TBC1D5: variants seen among roughly 807,000 people sequenced by gnomAD.
TBC1D5 encodes TBC1 domain family member 5.
TBC1D5 carries 75 observed loss-of-function variants against 100.3 expected under a neutral mutation model. The observed-to-expected ratio is 0.75, with a 90% CI of 0.62 to 0.91. The LOEUF is 0.91. Ranked by LOEUF, TBC1D5 falls within the 40% of genes least tolerant of loss-of-function variation. The pLI, the probability that TBC1D5 is intolerant of heterozygous loss-of-function variation, is 0.00. For missense variants in TBC1D5, 910 were observed against 942.4 expected, an observed-to-expected ratio of 0.97 and a Z score of 0.45; for synonymous variants, 323 against 325.6, an observed-to-expected ratio of 0.99 and a Z score of 0.09.
intron 13 of TBC1D5, among the ~76,000 whole-genome samples, chr3:17,364,193 T>C (rs983219943): frequency 2.0e-5 from 3 of 152,174 alleles, no homozygotes; most frequent in African/African-American, 7.2e-5. Context: ...TTCTTATTAC[T>C]TGATGTTCCT....
chr3:17,317,110 T>C (rs1034546422), intron 13 of TBC1D5, among the ~76,000 whole-genome samples: 7 of 152,190 alleles, frequency 4.6e-5, no homozygotes, highest in Admixed American at 2.0e-4. Context: ...AACTAGGATG[T>C]ACTCAGGGGA....
chr3:17,448,543 G>C (rs2094851457), intron 3 of TBC1D5, among the ~76,000 whole-genome samples: 1 of 152,176 alleles, frequency 6.6e-6, no homozygotes, highest in Non-Finnish European at 1.5e-5. Flanking sequence ...TGATCCAGGG[G>C]CTGCAGAATG....
chr3:17,542,860 T>C (rs191812659), intron 2 of TBC1D5, among the ~76,000 whole-genome samples: 129 of 152,322 alleles, frequency 8.5e-4, no homozygotes, highest in Non-Finnish European at 1.2e-3. Flanking sequence ...ATTTGGTTTG[T>C]TACTATTTTG....
chr3:17,262,478 G>GTTTTTTTT (rs746293280), intron 15 of TBC1D5, among the ~76,000 whole-genome samples: 1 of 114,984 alleles, frequency 8.7e-6, no homozygotes, highest in Admixed American at 9.1e-5. Context: ...CCAAAACAAT[G>GTTTTTTTT]TTTTTTTTTT....
chr3:17,669,483 T>C (rs887934328), intron 1 of TBC1D5, among the ~76,000 whole-genome samples: 1 of 152,198 alleles, frequency 6.6e-6, no homozygotes, highest in Non-Finnish European at 1.5e-5. Context: ...CTACTTGGAT[T>C]AAAATTCCTA....
At chr3:17,437,353 T>C (rs902683515) in intron 3 of TBC1D5, among the ~76,000 whole-genome samples, 2 of 152,180 alleles carry the variant, frequency 1.3e-5, no homozygotes, top group Admixed American at 6.5e-5. Context: ...TTTAGTATGA[T>C]TGTCATTTTT....
chr3:17,452,249 G>A (rs1229365488), intron 3 of TBC1D5, among the ~76,000 whole-genome samples: 1 of 151,874 alleles, frequency 6.6e-6, no homozygotes, highest in African/African-American at 2.4e-5. Context: ...AAGGAAGGAA[G>A]GGAAGATTAC....
chr3:17,313,542 C>T (rs1010389759), intron 13 of TBC1D5, among the ~76,000 whole-genome samples: 3 of 152,094 alleles, frequency 2.0e-5, no homozygotes, highest in African/African-American at 4.8e-5. Flanking sequence ...TAATCTGAAA[C>T]TCATTTAAAA....
intron 14 of TBC1D5, among the ~76,000 whole-genome samples, chr3:17,304,452 C>T (rs1026717847): frequency 2.0e-4 from 31 of 152,140 alleles, no homozygotes; most frequent in Non-Finnish European, 4.0e-4. Context: ...GTCACCCACA[C>T]TCTGGAGTGC....
intron 2 of TBC1D5, among the ~76,000 whole-genome samples, chr3:17,579,809 A>T (rs1390954373): frequency 6.6e-6 from 1 of 152,106 alleles, no homozygotes; most frequent in Admixed American, 6.6e-5. Flanking sequence ...AGAGGGAACT[A>T]CTGTTATCAC....
At chr3:17,360,936 C>G (rs2091644758) in intron 13 of TBC1D5, among the ~76,000 whole-genome samples, 1 of 151,892 alleles carries the variant, frequency 6.6e-6, no homozygotes, top group Non-Finnish European at 1.5e-5. Flanking sequence ...GTGAAAGAAG[C>G]CATCTAATTG....
chr3:17,221,121 A>G (rs1429518490), intron 17 of TBC1D5, among the ~76,000 whole-genome samples: 1 of 152,022 alleles, frequency 6.6e-6, no homozygotes, highest in Non-Finnish European at 1.5e-5. Context: ...ACCATACGGG[A>G]GGCAGAATAA....
intron 3 of TBC1D5, among the ~76,000 whole-genome samples, chr3:17,505,468 CT>C (rs1210386321): frequency 6.6e-6 from 1 of 152,144 alleles, no homozygotes; most frequent in Non-Finnish European, 1.5e-5. Flanking sequence ...AAGCAATTTT[CT>C]TTATAAATTG....
At chr3:17,161,164 G>A in exon 22 of TBC1D5, 4 of 1,614,216 alleles carry the variant, frequency 2.5e-6, no homozygotes, top group South Asian at 1.1e-5. Context: ...CGGAGAAGGA[G>A]CCCCTGGCAC....
At chr3:17,228,789 C>T (rs1018642067) in intron 17 of TBC1D5, among the ~76,000 whole-genome samples, 4 of 151,318 alleles carry the variant, frequency 2.6e-5, no homozygotes, top group African/African-American at 9.7e-5. Flanking sequence ...CTTTCCCTCT[C>T]TGAAACACTC....
intron 14 of TBC1D5, among the ~76,000 whole-genome samples, chr3:17,305,268 T>C (rs531136693): frequency 2.0e-5 from 3 of 152,292 alleles, no homozygotes; most frequent in African/African-American, 7.2e-5. Context: ...TGGCTTCTTC[T>C]CCTCTGGTGC....
chr3:17,455,045 C>A (rs914678063), intron 3 of TBC1D5, among the ~76,000 whole-genome samples: 1 of 150,996 alleles, frequency 6.6e-6, no homozygotes, highest in Non-Finnish European at 1.5e-5. Context: ...TCAATGCATT[C>A]GCTATCAAAA....
intron 19 of TBC1D5, among the ~76,000 whole-genome samples, chr3:17,178,135 G>A (rs151125647): frequency 0.026 from 3,746 of 143,902 alleles, 142 homozygotes; most frequent in African/African-American, 0.09. Flanking sequence ...GCGCGATCTC[G>A]GCTCACTGCA....
At chr3:17,630,499 C>T (rs898751239) in intron 1 of TBC1D5, among the ~76,000 whole-genome samples, 1 of 152,082 alleles carries the variant, frequency 6.6e-6, no homozygotes, top group Non-Finnish European at 1.5e-5. Flanking sequence ...CACCACAAAC[C>T]ACACCCAATA....
Sources: allele counts gnomAD v4.1 joint callset (sites outside exome capture counted in the v4.1 genomes callset), GRCh38; gene constraint gnomAD v4.1.1; transcripts MANE v1.5; gene names NCBI Gene and HGNC (gene_info 2026-07-23, HGNC 2026-07-21).